ITGBL1: variants seen among roughly 807,000 people sequenced by gnomAD.
ITGBL1 encodes integrin beta-like protein 1.
ITGBL1 carries 51 observed loss-of-function variants against 68.5 expected under a neutral mutation model. The ratio of observed to expected loss-of-function variants is 0.74; its 90% CI spans 0.59 to 0.94. ITGBL1 has a LOEUF of 0.94. Ranked by LOEUF, ITGBL1 falls within the 40% of genes least tolerant of loss-of-function variation. The pLI, the probability that ITGBL1 is intolerant of heterozygous loss-of-function variation, is 0.00. For missense variants in ITGBL1, 649 were observed against 647.4 expected, an observed-to-expected ratio of 1.00 and a Z score of -0.03; for synonymous variants, 209 against 227.3, an observed-to-expected ratio of 0.92 and a Z score of 0.72.
rs536325593 is a variant in ITGBL1 at position 101,541,369 on chromosome 13, G to T, written c.317-26330G>T. On this transcript the variant is annotated intron_variant, in intron 2 of 10. Transcript: ENST00000376180. ...CTGGATTACATTTATTGATTTTTGT[G>T]TGTTGAACCAGCCTTGCATCCCAGG... is the stretch of plus-strand genomic sequence containing the variant. 1.5e-3 allele frequency among the ~76,000 whole-genome samples: 228 copies of T among 151,864 alleles called. 1 individual carries two copies. Among genetic ancestry groups the T allele is most frequent in the Non-Finnish European group, 2.3e-3 (156 of 67,920 alleles).
chr13:101,657,748 A>G (rs1430879239), intron 7 of ITGBL1, among the ~76,000 whole-genome samples: 2 of 152,230 alleles, frequency 1.3e-5, no homozygotes, highest in East Asian at 3.8e-4. Flanking sequence ...TCCGTAAAAT[A>G]CCTAGAATGC....
At chr13:101,680,533 C>CT (rs558867026) in intron 7 of ITGBL1, among the ~76,000 whole-genome samples, 2,590 of 143,570 alleles carry the variant, frequency 0.018, 28 homozygotes, top group Middle Eastern at 0.043. Flanking sequence ...CGGGAATACA[C>CT]TTTTTTTTTT....
intron 6 of ITGBL1, among the ~76,000 whole-genome samples, chr13:101,591,230 T>G (rs953628477): frequency 6.6e-6 from 1 of 152,134 alleles, no homozygotes; most frequent in African/African-American, 2.4e-5. Context: ...GATGAATGAA[T>G]GGCAAAAGCC....
chr13:101,719,676 A>G (rs572611560), downstream of ITGBL1: 2 of 152,258 alleles, frequency 1.3e-5, no homozygotes, highest in Admixed American at 1.3e-4. Context: ...ATCAGTAGAA[A>G]TAACCCTCCC....
chr13:101,454,181 G>T, intron 2 of ITGBL1, 81 bp downstream of exon 2: 1 of 1,030,562 alleles, frequency 9.7e-7, no homozygotes, highest in South Asian at 2.5e-5. Flanking sequence ...GAAGAGTGAA[G>T]GGTGGGGACA....
At chr13:101,505,339 A>G (rs540816103) in intron 2 of ITGBL1, among the ~76,000 whole-genome samples, 24 of 152,122 alleles carry the variant, frequency 1.6e-4, no homozygotes, top group Non-Finnish European at 2.2e-4. Flanking sequence ...CTGAGTCCCT[A>G]CTGTGGACTG....
At chr13:101,499,833 T>C (rs1396532456) in intron 2 of ITGBL1, among the ~76,000 whole-genome samples, 4 of 152,214 alleles carry the variant, frequency 2.6e-5, no homozygotes, top group African/African-American at 4.8e-5. Context: ...AAGAGATGGC[T>C]CAGGGCTTAG....
At chr13:101,547,381 T>C (rs757039372) in intron 2 of ITGBL1, among the ~76,000 whole-genome samples, 2 of 151,990 alleles carry the variant, frequency 1.3e-5, no homozygotes, top group Non-Finnish European at 2.9e-5. Flanking sequence ...TAAGAATTGA[T>C]ATTTAATGAC....
chr13:101,554,993 T>A (rs1490550619), intron 2 of ITGBL1, among the ~76,000 whole-genome samples: 1 of 152,222 alleles, frequency 6.6e-6, no homozygotes, highest in Non-Finnish European at 1.5e-5. Context: ...TTGATTTCAC[T>A]GAAATCCCAA....
At chr13:101,679,728 A>G (rs1196469397) in intron 7 of ITGBL1, among the ~76,000 whole-genome samples, 1 of 152,216 alleles carries the variant, frequency 6.6e-6, no homozygotes, top group Non-Finnish European at 1.5e-5. Flanking sequence ...TGTAGAAGCC[A>G]TCTCAAGGTT....
At chr13:101,602,635 A>G (rs9518462) in intron 7 of ITGBL1, among the ~76,000 whole-genome samples, 31,486 of 151,884 alleles carry the variant, frequency 0.21, 3,332 homozygotes, top group Admixed American at 0.26. Flanking sequence ...ATTTTGATAT[A>G]TTAACATAAT....
chr13:101,587,087 TAAG>T (rs2050570026), intron 6 of ITGBL1, among the ~76,000 whole-genome samples: 1 of 152,210 alleles, frequency 6.6e-6, no homozygotes, highest in Admixed American at 6.5e-5. Context: ...TGGTCTTATT[TAAG>T]TCCAAGGGAA....
At chr13:101,538,428 A>G (rs1391501994) in intron 2 of ITGBL1, among the ~76,000 whole-genome samples, 1 of 152,140 alleles carries the variant, frequency 6.6e-6, no homozygotes, top group African/African-American at 2.4e-5. Flanking sequence ...ATAGTAAACA[A>G]AAAGGAAGAA....
intron 7 of ITGBL1, among the ~76,000 whole-genome samples, chr13:101,645,729 G>A (rs2032535942): frequency 6.6e-6 from 1 of 152,156 alleles, no homozygotes; most frequent in African/African-American, 2.4e-5. Context: ...GCTCAGGGAT[G>A]GGCATAGCAT....
intron 6 of ITGBL1, among the ~76,000 whole-genome samples, chr13:101,588,542 C>G (rs1338237483): frequency 2.6e-5 from 4 of 152,128 alleles, no homozygotes; most frequent in African/African-American, 9.7e-5. Flanking sequence ...CATTGCATTT[C>G]AGATCCATGT....
intron 7 of ITGBL1, among the ~76,000 whole-genome samples, chr13:101,669,770 T>C (rs1239517466): frequency 6.6e-6 from 1 of 152,248 alleles, no homozygotes; most frequent in Non-Finnish European, 1.5e-5. Context: ...AAAATTGCTA[T>C]GTTCTTCTTT....
intron 2 of ITGBL1, among the ~76,000 whole-genome samples, chr13:101,511,502 G>A (rs2049115134): frequency 6.6e-6 from 1 of 152,224 alleles, no homozygotes; most frequent in East Asian, 1.9e-4. Context: ...GAAGCATTAA[G>A]TCCCTAGCCT....
intron 2 of ITGBL1, among the ~76,000 whole-genome samples, chr13:101,512,062 A>G (rs1207316234): frequency 6.6e-6 from 1 of 152,164 alleles, no homozygotes; most frequent in African/African-American, 2.4e-5. Context: ...GACAAATAGT[A>G]GCAGTTACTC....
chr13:101,487,755 T>C (rs1165928422), intron 2 of ITGBL1, among the ~76,000 whole-genome samples: 1 of 152,270 alleles, frequency 6.6e-6, no homozygotes, highest in South Asian at 2.1e-4. Flanking sequence ...GGAATTCTTA[T>C]GCTTTTTAAG....
Sources: gnomAD v4.1 joint callset for allele counts (sites outside exome capture counted in the v4.1 genomes callset) on GRCh38, gnomAD v4.1.1 for gene constraint, MANE v1.5 for transcripts, NCBI Gene and HGNC (gene_info 2026-07-23, HGNC 2026-07-21) for gene names.